Variants in LAMA3 observed in about 807,000 individuals in gnomAD.
LAMA3 encodes the protein laminin subunit alpha-3.
LAMA3 carries 281 observed loss-of-function variants against 402.0 expected under a neutral mutation model. The ratio of observed to expected loss-of-function variants is 0.70; its 90% CI spans 0.63 to 0.77. The LOEUF (loss-of-function observed/expected upper bound fraction) is 0.77, where lower values mean the gene tolerates loss of function less well. Ranked by LOEUF, LAMA3 falls within the 30% of genes least tolerant of loss-of-function variation. The probability of loss-of-function intolerance (pLI) is 0.00; values close to 1 mark genes in which losing one functional copy is unlikely to be tolerated. For synonymous variants in LAMA3, 1,431 were observed against 1,558.4 expected (o/e 0.92, Z 1.93); for missense variants, 3,840 against 4,215.5 (o/e 0.91, Z 2.47).
At chr18:23,912,584 C>T in intron 55 of LAMA3, 127 bp from the exon 56 acceptor site, 2 of 774,770 alleles carry the variant, frequency 2.6e-6, no homozygotes, top group Non-Finnish European at 4.6e-6. Context: ...CATTCACATT[C>T]CCTTGCTCCT....
Position 23,889,348 on chromosome 18 carries a change from G to A in LAMA3, c.5304-663G>A, listed in dbSNP as rs1009746752. Among the ~76,000 whole-genome samples, 10 of 152,220 alleles carry A rather than the reference G, an allele frequency of 6.6e-5. No homozygotes were observed. In the South Asian group the frequency reaches 1.9e-3, roughly 28 times the overall value. ...AGGCTGAGGCAGAAGGATTGCTTGA[G>A]CCCAGAAGTTCAAGACCAGTCTGGG... is the stretch of plus-strand genomic sequence containing the variant. On this transcript the variant is annotated intron_variant, in intron 41 of 74. Coordinates refer to ENST00000313654, the MANE Select transcript of LAMA3 (RefSeq NM_198129.4).
chr18:23,793,187 G>C (rs967299736), intron 12 of LAMA3, among the ~76,000 whole-genome samples: 1 of 152,124 alleles, frequency 6.6e-6, no homozygotes, highest in Non-Finnish European at 1.5e-5. Context: ...TCTGGTACCT[G>C]GCCCTGGGGT....
chr18:23,873,112 G>A (rs143966308), intron 38 of LAMA3: 3 of 1,614,192 alleles, frequency 1.9e-6, no homozygotes, highest in African/African-American at 2.7e-5. Flanking sequence ...GCAGCCCTGG[G>A]GCAGTGTCTG....
intron 10 of LAMA3, among the ~76,000 whole-genome samples, chr18:23,776,658 A>G (rs1210179972): frequency 6.6e-6 from 1 of 152,116 alleles, no homozygotes; most frequent in Non-Finnish European, 1.5e-5. Context: ...TTGTGGGGAC[A>G]TGGGGGCAGG....
intron 38 of LAMA3, among the ~76,000 whole-genome samples, chr18:23,875,498 G>A (rs112078451): frequency 2.6e-5 from 4 of 152,100 alleles, no homozygotes; most frequent in Admixed American, 6.5e-5. Context: ...CTGTGTGTTC[G>A]GGTGGACCAG....
At chr18:23,692,561 C>T (rs909039065) in intron 1 of LAMA3, among the ~76,000 whole-genome samples, 3 of 152,190 alleles carry the variant, frequency 2.0e-5, no homozygotes, top group Non-Finnish European at 4.4e-5. Context: ...CATGAGCCAC[C>T]GCAGCCGGCC....
At position 23,689,662 on chromosome 18, in the gene LAMA3, C is replaced by A; in HGVS notation, c.-22C>A. The A allele has an allele frequency of 1.5e-6, 2 of 1,307,014 alleles. No homozygotes were observed. The highest frequency in any genetic ancestry group is 1.9e-6 in the Non-Finnish European group (2 of 1,034,042). The allele number at this position is 1,307,014 out of a possible 1,614,324, so 81.0% of individuals were successfully genotyped here. A position where few individuals can be genotyped will look rare whatever the true frequency, so the allele number is the denominator to read the frequency against. ...CGAGCCCCTCTGCGGACGGCTCAGG[C>A]GGGAGGACCCCGCGCGGCTGGATGG... On this transcript the variant is annotated 5_prime_UTR_variant, in exon 1 of 75. Coordinates refer to ENST00000313654, the MANE Select transcript of LAMA3 (RefSeq NM_198129.4).
At chr18:23,935,495 G>A (rs1365648510) in intron 67 of LAMA3, among the ~76,000 whole-genome samples, 1 of 152,170 alleles carries the variant, frequency 6.6e-6, no homozygotes, top group Non-Finnish European at 1.5e-5. Flanking sequence ...TAGGACATTA[G>A]TCTCTGCCCA....
chr18:23,950,950 G>A (rs2082886986), intron 72 of LAMA3, among the ~76,000 whole-genome samples: 1 of 152,148 alleles, frequency 6.6e-6, no homozygotes, highest in Non-Finnish European at 1.5e-5. Flanking sequence ...TTATTCTCAG[G>A]AAAACAAATC....
intron 12 of LAMA3, 124 bp downstream of exon 12, chr18:23,784,281 T>C (rs2062496235): frequency 1.8e-6 from 2 of 1,106,102 alleles, no homozygotes; most frequent in Non-Finnish European, 2.7e-6. Context: ...CCCTGGCTTA[T>C]ATATGGATGT....
At chr18:23,784,269 G>A in intron 12 of LAMA3, 112 bp downstream of exon 12, 2 of 1,296,374 alleles carry the variant, frequency 1.5e-6, no homozygotes, top group Non-Finnish European at 2.2e-6. Context: ...TAATAAATGG[G>A]CCCCTGGCTT....
chr18:23,822,930 G>A lies in LAMA3; in HGVS notation c.2428+555G>A, dbSNP rs192008646. ...AGAGAGCACAGCCTCGCCACAGGCAGAGAGAAGGCCCGCAGGTCTGTTCTT... is the reference window on the plus strand; with the variant it reads ...AGAGAGCACAGCCTCGCCACAGGCAAAGAGAAGGCCCGCAGGTCTGTTCTT... On this transcript the variant is annotated intron_variant, in intron 20 of 74. Transcript: ENST00000313654. 3.3e-5 allele frequency among the ~76,000 whole-genome samples: 5 copies of A among 152,346 alleles called. No homozygotes were observed. In the East Asian group the frequency reaches 9.6e-4, roughly 29 times the overall value.
At chr18:23,916,440 T>C (rs956384147) in intron 59 of LAMA3, 111 bp from the exon 60 acceptor site, 21 of 1,219,200 alleles carry the variant, frequency 1.7e-5, no homozygotes, top group Non-Finnish European at 2.5e-5. Flanking sequence ...GACAACTAGA[T>C]TGCATTTTCT....
intron 62 of LAMA3, among the ~76,000 whole-genome samples, chr18:23,922,280 A>G (rs1430539377): frequency 6.6e-6 from 1 of 152,228 alleles, no homozygotes; most frequent in Non-Finnish European, 1.5e-5. Context: ...CAGCCTCATG[A>G]CTAAGTAAGA....
At chr18:23,779,623 C>T (rs1385898235) in intron 11 of LAMA3, among the ~76,000 whole-genome samples, 3 of 151,958 alleles carry the variant, frequency 2.0e-5, no homozygotes, top group African/African-American at 7.3e-5. Flanking sequence ...GTGGTGGGAG[C>T]TCGTGGATGT....
intron 12 of LAMA3, among the ~76,000 whole-genome samples, chr18:23,796,437 T>C (rs2062764977): frequency 6.6e-6 from 1 of 152,164 alleles, no homozygotes; most frequent in Non-Finnish European, 1.5e-5. Flanking sequence ...CAAGGTGCCA[T>C]AGCCAAGACA....
chr18:23,866,882 T>C (rs897652926), intron 36 of LAMA3, among the ~76,000 whole-genome samples: 3 of 152,236 alleles, frequency 2.0e-5, no homozygotes, highest in African/African-American at 7.2e-5. Context: ...CCTAATGAAA[T>C]ACCAAACACC....
intron 39 of LAMA3, among the ~76,000 whole-genome samples, chr18:23,881,227 T>A (rs1246657436): frequency 6.6e-6 from 1 of 152,230 alleles, no homozygotes; most frequent in East Asian, 1.9e-4. Context: ...ACAGCAACTT[T>A]GATGTGAAAA....
Position 23,725,661 on chromosome 18 carries a change from A to G in LAMA3, c.447+11589A>G, listed in dbSNP as rs146094951. 4.0e-4 allele frequency among the ~76,000 whole-genome samples: 61 copies of G among 152,306 alleles called. No individual in the cohort carries two copies. In the East Asian group the frequency reaches 0.01, roughly 26 times the overall value. ...GCCTCAGGGCACAGACAATGTGACC[A>G]TCCTGCCTCCCCAGGACTTGCGCAG... On this transcript the variant is annotated intron_variant, in intron 2 of 74. Coordinates refer to ENST00000313654, the MANE Select transcript of LAMA3 (RefSeq NM_198129.4).
Sources: gnomAD v4.1 joint callset for allele counts (sites outside exome capture counted in the v4.1 genomes callset) on GRCh38, gnomAD v4.1.1 for gene constraint, MANE v1.5 for transcripts, NCBI Gene and HGNC (gene_info 2026-07-23, HGNC 2026-07-21) for gene names.